Variants in TUB observed in about 807,000 individuals in gnomAD.
TUB encodes the protein TUB bipartite transcription factor.
TUB carries 33 observed loss-of-function variants against 59.7 expected under a neutral mutation model. That is an observed-to-expected ratio of 0.55 (90% CI 0.42 to 0.74). The LOEUF is 0.74. Among genes scored for constraint, TUB ranks in the 30% least tolerant of loss-of-function variants. The pLI is 0.00. For synonymous variants in TUB, 293 were observed against 256.4 expected (o/e 1.14, Z -1.36); for missense variants, 659 against 672.0 (o/e 0.98, Z 0.21).
At chr11:8,031,453 C>T (rs1280896061) in intron 1 of TUB, among the ~76,000 whole-genome samples, 3 of 152,204 alleles carry the variant, frequency 2.0e-5, no homozygotes, top group East Asian at 1.9e-4. Flanking sequence ...CCTAGAGCTC[C>T]GCTTAGGTCG....
At chr11:8,053,762 A>G (rs1175553047) in intron 2 of TUB, among the ~76,000 whole-genome samples, 1 of 147,730 alleles carries the variant, frequency 6.8e-6, no homozygotes, top group African/African-American at 2.5e-5. Flanking sequence ...TGGCCTCCCA[A>G]AGTGCTGGGA....
chr11:8,093,102 G>C (rs6578926), intron 3 of TUB, among the ~76,000 whole-genome samples: 140,294 of 152,082 alleles, frequency 0.92, 65,779 homozygotes, highest in East Asian at 1. Flanking sequence ...TAAACAGATG[G>C]TCACGGGGTT....
rs1055522231 is a variant in TUB, at chr11:8,049,578, T to TATATATAGATAG, written c.203+9889_203+9890insTATAGATAGATA. Among the ~76,000 whole-genome samples the TATATATAGATAG allele has an allele frequency of 2.9e-3, 252 of 85,922 alleles. 1 individual carries two copies. Among genetic ancestry groups the TATATATAGATAG allele is most frequent in the African/African-American group, 6.1e-3 (175 of 28,558 alleles). 56.4% of individuals were successfully genotyped at this position (85,922 alleles called of 152,430 possible). On this transcript the variant is annotated intron_variant, in intron 2 of 12. Transcript: ENST00000305253. ...ATTATGTGGTATATATATATATATA[T>TATATATAGATAG]ATAGATAGATAGATAGATAGATAGA...
chr11:8,097,277 T>C lies in TUB; in HGVS notation c.737T>C (p.Val246Ala), dbSNP rs267603216. The change falls in exon 7 of 12, where the codon GTT becomes GCT. Residue 246 changes from valine (V) to alanine (A), a missense_variant. This residue lies in a region of TUB where 112 missense variants were observed against 156.9 expected (regional missense o/e 0.71). Coordinates refer to ENST00000299506, the MANE Select transcript of TUB (RefSeq NM_177972.3). The stretch of plus-strand genomic sequence containing the variant: ...ACAGCTCCAGAGCAACCAGTGGACG[T>C]TGAGGTCCAGGATCTTGAGGAGTTT... ...SPTAPEQPVD[V>A]EVQDLEEFAL... 5 of 1,614,008 alleles carry C rather than the reference T, an allele frequency of 3.1e-6. No homozygotes were observed. The highest frequency in any genetic ancestry group is 2.7e-5 in the African/African-American group (2 of 74,904).
chr11:8,062,939 G>A (rs1299666380), intron 2 of TUB, among the ~76,000 whole-genome samples: 3 of 152,156 alleles, frequency 2.0e-5, no homozygotes, highest in African/African-American at 4.8e-5. Flanking sequence ...AGGAGAGGCC[G>A]ACATACTCTT....
At chr11:8,041,440 TG>T (rs1942749025) in intron 2 of TUB, among the ~76,000 whole-genome samples, 1 of 152,202 alleles carries the variant, frequency 6.6e-6, no homozygotes, top group Non-Finnish European at 1.5e-5. Flanking sequence ...TCATAATTAA[TG>T]GCAAAGTTAA....
At chr11:8,031,901 C>A (rs1367083618) in intron 1 of TUB, among the ~76,000 whole-genome samples, 1 of 152,198 alleles carries the variant, frequency 6.6e-6, no homozygotes, top group African/African-American at 2.4e-5. Flanking sequence ...CCGCCCCCCT[C>A]GGGCCACTTC....
In TUB at chr11:8,097,218, A is replaced by G; in HGVS notation, c.688-10A>G. The G allele has an allele frequency of 6.2e-7, 1 of 1,613,750 alleles. No homozygotes were observed. Among genetic ancestry groups the G allele is most frequent in the Non-Finnish European group, 8.5e-7 (1 of 1,179,926 alleles). On this transcript the variant is annotated splice_polypyrimidine_tract_variant and intron_variant, in intron 6 of 11. Transcript: ENST00000299506. ...CTTGGGGCTCAGGCACCTATTCTGC[A>G]TCCCCATAGGAGGCAGCCTCAGCCC...
chr11:8,040,590 T>C (rs1299010583), intron 2 of TUB, among the ~76,000 whole-genome samples: 1 of 152,206 alleles, frequency 6.6e-6, no homozygotes, highest in East Asian at 1.9e-4. Context: ...TCTCCTTTTT[T>C]ACACATGGCC....
At chr11:8,089,423 C>T (rs917327700) in intron 1 of TUB, among the ~76,000 whole-genome samples, 187 bp from the exon 2 acceptor site, 2 of 152,118 alleles carry the variant, frequency 1.3e-5, no homozygotes, top group Admixed American at 1.3e-4. Context: ...AGCTCGAGCC[C>T]TTTTGGTTCA....
At chr11:8,026,218 A>G (rs935710742) in intron 1 of TUB, among the ~76,000 whole-genome samples, 4 of 152,176 alleles carry the variant, frequency 2.6e-5, no homozygotes, top group African/African-American at 9.6e-5. Context: ...TTTATCAGAT[A>G]TATGACTTGC....
At chr11:8,058,607 A>AT (rs1251328792) in intron 2 of TUB, among the ~76,000 whole-genome samples, 4 of 152,246 alleles carry the variant, frequency 2.6e-5, no homozygotes, top group Middle Eastern at 3.2e-3. Flanking sequence ...GAAAACAAAG[A>AT]TTTTTCCAGT....
rs765629450 is a variant in TUB at position 8,101,789 on chromosome 11, T to A, written c.*170T>A. On this transcript the variant is annotated 3_prime_UTR_variant, in exon 12 of 12. Coordinates refer to ENST00000299506, the MANE Select transcript of TUB (RefSeq NM_177972.3). ...CAGGAACTGGCTCCTTTGCCTCTGCTACTGAGGCAGGGGAGTAGTGGAGAG... is the reference window on the plus strand; with the variant it reads ...CAGGAACTGGCTCCTTTGCCTCTGCAACTGAGGCAGGGGAGTAGTGGAGAG... The A allele has an allele frequency of 1.3e-5, 15 of 1,191,378 alleles. No individual in the cohort carries two copies. The highest frequency in any genetic ancestry group is 1.6e-5 in the Non-Finnish European group (14 of 879,812). The allele number at this position is 1,191,378 out of a possible 1,614,324, so 73.8% of individuals were successfully genotyped here. A position where few individuals can be genotyped will look rare whatever the true frequency, so the allele number is the denominator to read the frequency against.
Position 8,097,740 on chromosome 11 carries a change from AAAG to A in TUB, c.917_919del (p.Lys306del). ...TGTTCCTCCTGGCGGGAAGGAAGAG[AAAG>A]AAGAGTAAAACTTCCAATTACCTCA... On this transcript the variant is annotated inframe_deletion, in exon 8 of 12. Transcript: ENST00000299506. 1 of 1,614,090 alleles carries A rather than the reference AAAG, an allele frequency of 6.2e-7. No homozygotes were observed. The highest frequency in any genetic ancestry group is 1.1e-5 in the South Asian group (1 of 91,072).
rs771291746 is a variant in TUB at position 8,090,032 on chromosome 11, G to A, written c.91-37G>A. ...TAACTGGGAGCCCGCCCTTCCTGGT[G>A]GAGGCAGTGGGTCAGCCAACCTCTG... On this transcript the variant is annotated intron_variant, in intron 2 of 11. Coordinates refer to ENST00000299506, the MANE Select transcript of TUB (RefSeq NM_177972.3). The A allele has an allele frequency of 7.7e-6, 12 of 1,549,280 alleles. No homozygotes were observed. The Admixed American group carries it at 2.4e-4, about 31-fold the overall frequency.
Position 8,097,811 on chromosome 11 carries a change from A to G in TUB, c.983A>G (p.Tyr328Cys), listed in dbSNP as rs766241083. Reference sequence around the variant, plus strand: ...GACTTGTCTCGAGGAGGGGACAGCTATATCGGGAAACTGCGGTACTAGCAT... The same window carrying G: ...GACTTGTCTCGAGGAGGGGACAGCTGTATCGGGAAACTGCGGTACTAGCAT... ...PTDLSRGGDS[Y>C]IGKLRSNLMG... Residue 328 changes from tyrosine (Y) to cysteine (C), a missense_variant, in exon 8 of 12, where the codon TAT becomes TGT. Transcript: ENST00000299506. 2.6e-5 allele frequency: 42 copies of G among 1,613,618 alleles called. 3 individuals carry two copies. In the South Asian group the frequency reaches 3.8e-4, roughly 15 times the overall value.
chr11:8,100,473 A>G, intron 9 of TUB, 30 bp from the exon 10 acceptor site: 2 of 1,577,366 alleles, frequency 1.3e-6, no homozygotes, highest in Non-Finnish European at 1.7e-6. Context: ...TAGACGCCTC[A>G]GGTGGCCAGT....
intron 2 of TUB, among the ~76,000 whole-genome samples, chr11:8,041,414 C>T (rs1001080015): frequency 5.9e-5 from 9 of 152,122 alleles, no homozygotes; most frequent in East Asian, 1.9e-4. Context: ...GACTTATCTC[C>T]GTAGGTTTGG....
Position 8,097,373 on chromosome 11 carries a change from G to A in TUB, c.833G>A (p.Arg278Gln), listed in dbSNP as rs371203227. The change falls in exon 7 of 12, where the codon CGG (arginine) becomes CAG (glutamine). Residue 278 changes from arginine to glutamine, a missense_variant. By Grantham distance (43) the Arg-to-Gln change is conservative. Coordinates refer to ENST00000299506, the MANE Select transcript of TUB (RefSeq NM_177972.3). ...ACTCGGGACAAGAAAGGGATGGACCGGGGCATGTACCCCACCTACTTTCTG... is the reference window on the plus strand; with the variant it reads ...ACTCGGGACAAGAAAGGGATGGACCAGGGCATGTACCCCACCTACTTTCTG... ...RITRDKKGMD[R>Q]GMYPTYFLHL... is the part of the protein sequence containing the mutation. The A allele has an allele frequency of 9.9e-6, 16 of 1,614,084 alleles. No individual in the cohort carries two copies. The highest frequency in any genetic ancestry group is 4.5e-5 in the East Asian group (2 of 44,890).
Sources: gnomAD v4.1 joint callset for allele counts (sites outside exome capture counted in the v4.1 genomes callset) on GRCh38, gnomAD v4.1.1 for gene constraint, gnomAD v4.1.1 regional missense constraint, MANE v1.5 for transcripts, NCBI Gene and HGNC (gene_info 2026-07-23, HGNC 2026-07-21) for gene names.